The following PTPRQ variants were observed in gnomAD, a reference collection of about 807,000 sequenced individuals.
The protein encoded by PTPRQ is protein tyrosine phosphatase receptor type Q.
PTPRQ carries 199 observed loss-of-function variants against 246.0 expected under a neutral mutation model. The observed-to-expected ratio is 0.81, with a 90% confidence interval of 0.72 to 0.91. The LOEUF is 0.91. Among genes scored for constraint, PTPRQ ranks in the 40% least tolerant of loss-of-function variants. The pLI, the probability that PTPRQ is intolerant of heterozygous loss-of-function variation, is 0.00. For missense variants in PTPRQ, 2,624 were observed against 2,528.4 expected (o/e 1.04, Z -0.81); for synonymous variants, 869 against 853.2 (o/e 1.02, Z -0.32).
Position 80,495,128 on chromosome 12 carries a change from C to G in PTPRQ, c.1702+34C>G, listed in dbSNP as rs1894572142. On this transcript the variant is annotated intron_variant, in intron 11 of 44. Coordinates refer to ENST00000644991, the MANE Select transcript of PTPRQ (RefSeq NM_001145026.2). ...GTATTTCCTTTGAAACAATTAACTGCAAATATTGCTGTTGTACACTGTGAT... is the reference window on the plus strand; with the variant it reads ...GTATTTCCTTTGAAACAATTAACTGGAAATATTGCTGTTGTACACTGTGAT... 3 of 1,550,102 alleles carry G rather than the reference C, an allele frequency of 1.9e-6. No individual in the cohort carries two copies. In the African/African-American group the frequency reaches 4.1e-5, roughly 21 times the overall value.
chr12:80,493,052 T>A (rs921359725), intron 9 of PTPRQ, among the ~76,000 whole-genome samples: 1 of 152,000 alleles, frequency 6.6e-6, no homozygotes, highest in Non-Finnish European at 1.5e-5. Flanking sequence ...AATACAGTAT[T>A]GTTCTCTTAG....
At chr12:80,576,005 C>A (rs1290699502) in intron 25 of PTPRQ, among the ~76,000 whole-genome samples, 2 of 152,112 alleles carry the variant, frequency 1.3e-5, no homozygotes, top group Non-Finnish European at 2.9e-5. Flanking sequence ...TCTCTTCCTT[C>A]TCTCTCGCTT....
chr12:80,666,115 G>A (rs1028064131), intron 39 of PTPRQ, among the ~76,000 whole-genome samples: 1 of 151,986 alleles, frequency 6.6e-6, no homozygotes, highest in Non-Finnish European at 1.5e-5. Context: ...CTATGCTTAC[G>A]CAGTAAGTGC....
In PTPRQ at chr12:80,468,728, A is replaced by G. The variant is rs1893526374; in HGVS notation, c.929A>G (p.Gln310Arg). 6.5e-7 allele frequency: 1 copy of G among 1,546,970 alleles called. No individual in the cohort carries two copies. The highest frequency in any genetic ancestry group is 8.7e-7 in the Non-Finnish European group (1 of 1,145,234). ...TPESVPEGPP[Q>R]NCVTGNITGK... Reference sequence around the variant, plus strand: ...ATTTTAGTGCCTGAAGGACCACCACAAAACTGCGTAACAGGCAACATCACA... The same window carrying G: ...ATTTTAGTGCCTGAAGGACCACCACGAAACTGCGTAACAGGCAACATCACA... Residue 310 changes from glutamine to arginine, a missense_variant, in exon 7 of 45, where the codon CAA (glutamine) becomes CGA (arginine). By Grantham distance (43) the Gln-to-Arg change is conservative. Coordinates refer to ENST00000644991, the MANE Select transcript of PTPRQ (RefSeq NM_001145026.2).
intron 35 of PTPRQ, among the ~76,000 whole-genome samples, chr12:80,639,291 G>T (rs1899771116): frequency 6.6e-6 from 1 of 152,168 alleles, no homozygotes; most frequent in Non-Finnish European, 1.5e-5. Flanking sequence ...AGTCACGGAA[G>T]TTTTGTTTCT....
intron 33 of PTPRQ, among the ~76,000 whole-genome samples, chr12:80,625,559 G>C (rs1053268053): frequency 5.3e-5 from 8 of 151,954 alleles, no homozygotes; most frequent in South Asian, 4.1e-4. Flanking sequence ...TAAAATTAGG[G>C]GCAAAAGAAT....
chr12:80,444,725 G>T lies in PTPRQ; in HGVS notation c.55-16G>T, dbSNP rs1465020842. The T allele has an allele frequency of 6.6e-7, 1 of 1,515,174 alleles. No individual in the cohort carries two copies. The highest frequency in any genetic ancestry group is 8.9e-7 in the Non-Finnish European group (1 of 1,117,424). The allele number at this position is 1,515,174 out of a possible 1,614,324, so 93.9% of individuals were successfully genotyped here. A position where few individuals can be genotyped will look rare whatever the true frequency, so the allele number is the denominator to read the frequency against. The stretch of plus-strand genomic sequence containing the variant: ...AGAAAGAATTTTAATGCAACTATTT[G>T]TTTGTGGTGTTCTAGGTTGATGTTT... On this transcript the variant is annotated splice_polypyrimidine_tract_variant and intron_variant, in intron 1 of 44. Transcript: ENST00000644991.
At chr12:80,449,836 T>G (rs1232319170) in intron 3 of PTPRQ, among the ~76,000 whole-genome samples, 1 of 152,192 alleles carries the variant, frequency 6.6e-6, no homozygotes, top group South Asian at 2.1e-4. Context: ...TTCTTTTGGC[T>G]TAGGATTGAC....
At chr12:80,652,001 AT>A (rs1226306107) in intron 37 of PTPRQ, among the ~76,000 whole-genome samples, 5 of 152,086 alleles carry the variant, frequency 3.3e-5, no homozygotes, top group Non-Finnish European at 5.9e-5. Context: ...TAAAACACAT[AT>A]TTTTAGTGCT....
At chr12:80,616,128 C>CATAT (rs146609467) in intron 29 of PTPRQ, 72 bp from the exon 30 acceptor site, 99 of 928,464 alleles carry the variant, frequency 1.1e-4, no homozygotes, top group African/African-American at 2.8e-4. Flanking sequence ...TAGATACATG[C>CATAT]ATATATATAT....
At chr12:80,479,447 A>G (rs1278368351) in intron 8 of PTPRQ, among the ~76,000 whole-genome samples, 1 of 151,432 alleles carries the variant, frequency 6.6e-6, no homozygotes, top group African/African-American at 2.4e-5. Context: ...GACCATCGAG[A>G]CTAGGAAGAA....
At chr12:80,485,980 A>T (rs1252402706) in intron 9 of PTPRQ, among the ~76,000 whole-genome samples, 5 of 152,044 alleles carry the variant, frequency 3.3e-5, no homozygotes, top group Non-Finnish European at 7.4e-5. Context: ...TTAAATTATG[A>T]TTTTGTCTCT....
rs113516935 is a variant in PTPRQ, at chr12:80,647,190, G to C, written c.5916-1707G>C. 7.9e-3 allele frequency among the ~76,000 whole-genome samples: 1,203 copies of C among 152,184 alleles called. 15 individuals are homozygous for C. Among genetic ancestry groups the C allele is most frequent in the African/African-American group, 0.027 (1,123 of 41,534 alleles). On this transcript the variant is annotated intron_variant, in intron 35 of 44. Coordinates refer to ENST00000644991, the MANE Select transcript of PTPRQ (RefSeq NM_001145026.2). Reference sequence around the variant, plus strand: ...CAGTCTCACTGTCCTTATATAGGTGGACTACTAGCCTGTCACTAAATCATA... The same window carrying C: ...CAGTCTCACTGTCCTTATATAGGTGCACTACTAGCCTGTCACTAAATCATA...
intron 25 of PTPRQ, among the ~76,000 whole-genome samples, chr12:80,571,210 T>A (rs547913251): frequency 3.9e-5 from 6 of 152,278 alleles, no homozygotes; most frequent in Non-Finnish European, 8.8e-5. Flanking sequence ...AATGGCATGA[T>A]CTTGGCTCAC....
chr12:80,635,759 T>C (rs1054059138), intron 35 of PTPRQ, among the ~76,000 whole-genome samples: 3 of 152,176 alleles, frequency 2.0e-5, no homozygotes, highest in African/African-American at 7.2e-5. Flanking sequence ...TCTATTAAGA[T>C]AATTCATCAA....
chr12:80,667,407 T>G (rs1411074738), intron 39 of PTPRQ, among the ~76,000 whole-genome samples: 2 of 152,034 alleles, frequency 1.3e-5, no homozygotes, highest in East Asian at 3.9e-4. Flanking sequence ...TTATTTTTTC[T>G]GAATAACCTA....
At chr12:80,580,989 G>A (rs551422816) in intron 25 of PTPRQ, among the ~76,000 whole-genome samples, 76 of 152,286 alleles carry the variant, frequency 5.0e-4, no homozygotes, top group African/African-American at 1.8e-3. Context: ...ATATTGATCT[G>A]CTGAAAATTT....
At chr12:80,634,802 C>A in intron 34 of PTPRQ, 143 bp from the exon 35 acceptor site, 1 of 1,201,578 alleles carries the variant, frequency 8.3e-7, no homozygotes, top group East Asian at 2.8e-5. Flanking sequence ...AGTCGAGTAG[C>A]TATAAATTTG....
chr12:80,544,157 A>C (rs1343970026), intron 23 of PTPRQ, among the ~76,000 whole-genome samples: 1 of 152,084 alleles, frequency 6.6e-6, no homozygotes, highest in African/African-American at 2.4e-5. Context: ...TTTGAGACTT[A>C]CTGTGCTTCA....
Sources: allele counts gnomAD v4.1 joint callset (sites outside exome capture counted in the v4.1 genomes callset), GRCh38; gene constraint gnomAD v4.1.1; transcripts MANE v1.5; gene names NCBI Gene and HGNC (gene_info 2026-07-23, HGNC 2026-07-21).